MGMT: variants seen among roughly 807,000 people sequenced by gnomAD.
The protein encoded by MGMT is methylated-DNA--protein-cysteine methyltransferase.
In MGMT, 14 loss-of-function variants were observed where a neutral mutation model predicts 15.9. The observed-to-expected ratio is 0.88, with a 90% CI of 0.58 to 1.37. The LOEUF (loss-of-function observed/expected upper bound fraction) is 1.37, where lower values mean the gene tolerates loss of function less well. Among genes scored for constraint, MGMT ranks in the 40% most tolerant of loss-of-function variants. MGMT has a pLI of 0.00. For missense variants in MGMT, 282 were observed against 268.1 expected (o/e 1.05, Z -0.36); for synonymous variants, 130 against 118.2 (o/e 1.10, Z -0.65).
At chr10:129,569,363 T>A (rs555929330) in intron 2 of MGMT, among the ~76,000 whole-genome samples, 1 of 152,086 alleles carries the variant, frequency 6.6e-6, no homozygotes. Flanking sequence ...AGCCTGCGAG[T>A]GGCTCAGGCG....
intron 2 of MGMT, among the ~76,000 whole-genome samples, chr10:129,617,040 G>A (rs1847035921): frequency 6.6e-6 from 1 of 152,156 alleles, no homozygotes; most frequent in East Asian, 1.9e-4. Flanking sequence ...TATCACAGGG[G>A]TTTTGTGTGT....
At chr10:129,565,992 G>A (rs1846350323) in intron 2 of MGMT, among the ~76,000 whole-genome samples, 1 of 152,124 alleles carries the variant, frequency 6.6e-6, no homozygotes. Flanking sequence ...AGGCAGGCTG[G>A]AGCCACAGGT....
At chr10:129,612,880 C>T (rs559124723) in intron 2 of MGMT, among the ~76,000 whole-genome samples, 3 of 152,318 alleles carry the variant, frequency 2.0e-5, no homozygotes, top group Admixed American at 6.5e-5. Flanking sequence ...GTGGACTCTG[C>T]CCGTCCTTCC....
intron 3 of MGMT, among the ~76,000 whole-genome samples, chr10:129,726,840 G>C (rs1353607978): frequency 1.3e-5 from 2 of 152,184 alleles, no homozygotes; most frequent in African/African-American, 4.8e-5. Context: ...GGACTTAGGA[G>C]ACCCTGTCCT....
At chr10:129,713,794 T>C (rs1411700811) in intron 3 of MGMT, among the ~76,000 whole-genome samples, 1 of 152,030 alleles carries the variant, frequency 6.6e-6, no homozygotes, top group East Asian at 1.9e-4. Context: ...CAAGAACCCA[T>C]CCCCTGTGGG....
chr10:129,590,013 G>A (rs1245078588), intron 2 of MGMT, among the ~76,000 whole-genome samples: 1 of 152,210 alleles, frequency 6.6e-6, no homozygotes, highest in Non-Finnish European at 1.5e-5. Context: ...GCTCAGACAG[G>A]ATGGGTGGTT....
chr10:129,697,438 G>T (rs1389103217), intron 2 of MGMT, among the ~76,000 whole-genome samples: 2 of 151,972 alleles, frequency 1.3e-5, no homozygotes, highest in Non-Finnish European at 2.9e-5. Context: ...TCCATTCCTG[G>T]GTCTGTCCCT....
chr10:129,538,977 T>C (rs1003489897), intron 2 of MGMT, among the ~76,000 whole-genome samples: 3 of 152,176 alleles, frequency 2.0e-5, no homozygotes, highest in Non-Finnish European at 4.4e-5. Flanking sequence ...GTTTGTGTTT[T>C]TGTTGATGTT....
At chr10:129,595,544 G>A (rs891741239) in intron 2 of MGMT, among the ~76,000 whole-genome samples, 1 of 152,058 alleles carries the variant, frequency 6.6e-6, no homozygotes, top group African/African-American at 2.4e-5. Flanking sequence ...GTGGTCTTCG[G>A]GGGGGTCTGA....
At chr10:129,481,134 G>A (rs780838010) in intron 1 of MGMT, among the ~76,000 whole-genome samples, 1 of 152,200 alleles carries the variant, frequency 6.6e-6, no homozygotes, top group Non-Finnish European at 1.5e-5. Context: ...AGGCATCCAC[G>A]GTTTTCCCCA....
At chr10:129,667,563 A>T (rs1017486037) in intron 2 of MGMT, among the ~76,000 whole-genome samples, 9 of 152,150 alleles carry the variant, frequency 5.9e-5, no homozygotes, top group African/African-American at 2.2e-4. Flanking sequence ...TTTCATTACT[A>T]ATGATGCCCC....
intron 3 of MGMT, among the ~76,000 whole-genome samples, chr10:129,747,641 A>G (rs913007410): frequency 4.6e-5 from 7 of 152,206 alleles, no homozygotes; most frequent in African/African-American, 7.2e-5. Context: ...AGTACGGTAC[A>G]TGTGTTATGA....
At chr10:129,648,351 A>G (rs1458066018) in intron 2 of MGMT, among the ~76,000 whole-genome samples, 1 of 152,198 alleles carries the variant, frequency 6.6e-6, no homozygotes, top group Non-Finnish European at 1.5e-5. Context: ...AATGTTTCCA[A>G]ATTACTGCAG....
At chr10:129,742,057 T>C (rs1264300378) in intron 3 of MGMT, among the ~76,000 whole-genome samples, 1 of 152,134 alleles carries the variant, frequency 6.6e-6, no homozygotes, top group Non-Finnish European at 1.5e-5. Flanking sequence ...AGAAATTGGC[T>C]CCCAAAATGC....
intron 2 of MGMT, among the ~76,000 whole-genome samples, chr10:129,706,144 G>C (rs932756099): frequency 2.0e-5 from 3 of 152,314 alleles, no homozygotes; most frequent in Non-Finnish European, 4.4e-5. Context: ...TTCCCGCCCT[G>C]ACACGCACAG....
chr10:129,491,810 A>G (rs560943055), intron 1 of MGMT, among the ~76,000 whole-genome samples: 3 of 152,136 alleles, frequency 2.0e-5, no homozygotes, highest in South Asian at 4.2e-4. Flanking sequence ...TTTTAATTCT[A>G]TATTTAAAAT....
intron 2 of MGMT, among the ~76,000 whole-genome samples, chr10:129,640,682 A>C (rs1847318203): frequency 6.6e-6 from 1 of 152,228 alleles, no homozygotes; most frequent in Admixed American, 6.5e-5. Context: ...AATACAGACC[A>C]ATATTCCTAA....
intron 1 of MGMT, among the ~76,000 whole-genome samples, chr10:129,509,720 A>G (rs1437592044): frequency 6.6e-6 from 1 of 152,194 alleles, no homozygotes; most frequent in Non-Finnish European, 1.5e-5. Context: ...TTTTCATGGG[A>G]TTCTGGGATA....
At chr10:129,644,439 TCAAGAGGACACAG>T (rs1338929734) in intron 2 of MGMT, among the ~76,000 whole-genome samples, 1 of 152,146 alleles carries the variant, frequency 6.6e-6, no homozygotes, top group Non-Finnish European at 1.5e-5. Context: ...GATGTGAAAT[TCAAGAGGACACAG>T]CAAGAGGCTG....
Sources: gnomAD v4.1 joint callset for allele counts (sites outside exome capture counted in the v4.1 genomes callset) on GRCh38, gnomAD v4.1.1 for gene constraint, MANE v1.5 for transcripts, NCBI Gene and HGNC (gene_info 2026-07-23, HGNC 2026-07-21) for gene names.